The following BRINP3 variants were observed in gnomAD, a reference collection of about 807,000 sequenced individuals.
The protein encoded by BRINP3 is BMP/retinoic acid-inducible neural-specific protein 3.
Under a neutral mutation model 71.0 loss-of-function variants are expected in BRINP3, and 19 were observed. That is an observed-to-expected ratio of 0.27 (90% CI 0.19 to 0.39). The LOEUF (loss-of-function observed/expected upper bound fraction) is 0.39, where lower values mean the gene tolerates loss of function less well. BRINP3 is among the 10% of genes least tolerant of loss of function. BRINP3 has a pLI of 1.00. For missense variants in BRINP3, 959 were observed against 940.8 expected (o/e 1.02, Z -0.25); for synonymous variants, 380 against 337.7 (o/e 1.13, Z -1.37).
chr1:190,241,991 T>A (rs1659144424), intron 4 of BRINP3, among the ~76,000 whole-genome samples: 2 of 151,748 alleles, frequency 1.3e-5, no homozygotes, highest in African/African-American at 4.8e-5. Flanking sequence ...CCTCTGATAG[T>A]CATTAAGTCT....
chr1:190,165,155 C>T (rs2102474237), intron 6 of BRINP3, among the ~76,000 whole-genome samples: 1 of 151,880 alleles, frequency 6.6e-6, no homozygotes, highest in South Asian at 2.1e-4. Flanking sequence ...AAACATATGT[C>T]TGATATATAT....
intron 2 of BRINP3, among the ~76,000 whole-genome samples, chr1:190,296,251 G>A (rs1384949485): frequency 6.6e-6 from 1 of 151,704 alleles, no homozygotes; most frequent in Non-Finnish European, 1.5e-5. Flanking sequence ...AACATGGGAT[G>A]TAAGGATGAT....
intron 2 of BRINP3, among the ~76,000 whole-genome samples, chr1:190,435,652 G>A (rs962023629): frequency 1.3e-5 from 2 of 151,800 alleles, no homozygotes; most frequent in African/African-American, 2.4e-5. Context: ...AATTCTTACT[G>A]GCACCCCAGG....
At chr1:190,465,330 C>T (rs1035629027) in intron 1 of BRINP3, among the ~76,000 whole-genome samples, 2 of 151,854 alleles carry the variant, frequency 1.3e-5, no homozygotes, top group South Asian at 2.1e-4. Context: ...GTATAGGGAA[C>T]GCTTTGACAA....
chr1:190,136,708 G>A (rs1288396252), intron 7 of BRINP3, among the ~76,000 whole-genome samples: 5 of 151,830 alleles, frequency 3.3e-5, no homozygotes, highest in African/African-American at 4.8e-5. Flanking sequence ...TGTAATTTGA[G>A]GGAAGCCATT....
chr1:190,320,503 T>A (rs759287864), intron 2 of BRINP3, among the ~76,000 whole-genome samples: 266 of 152,294 alleles, frequency 1.7e-3, no homozygotes, highest in Non-Finnish European at 2.4e-3. Flanking sequence ...TTCATGAATA[T>A]TTGTTTTATA....
intron 2 of BRINP3, among the ~76,000 whole-genome samples, chr1:190,416,676 C>G (rs776289613): frequency 8.6e-5 from 13 of 152,042 alleles, no homozygotes; most frequent in Non-Finnish European, 1.6e-4. Context: ...CATAAATATA[C>G]CCTAGTCACC....
chr1:190,128,250 T>C (rs1654248328), intron 7 of BRINP3, among the ~76,000 whole-genome samples: 1 of 151,862 alleles, frequency 6.6e-6, no homozygotes, highest in Non-Finnish European at 1.5e-5. Context: ...CTATGATATA[T>C]GTGCAAGATT....
intron 3 of BRINP3, among the ~76,000 whole-genome samples, chr1:190,277,385 A>G (rs557554195): frequency 9.3e-5 from 14 of 151,222 alleles, no homozygotes; most frequent in African/African-American, 2.4e-4. Context: ...TAGCGGAGGA[A>G]CTCACAGGTT....
chr1:190,239,991 T>A (rs1427831571), intron 4 of BRINP3, among the ~76,000 whole-genome samples: 2 of 151,672 alleles, frequency 1.3e-5, no homozygotes, highest in East Asian at 3.9e-4. Flanking sequence ...ACGTCATTTT[T>A]TTTTTATTTC....
intron 3 of BRINP3, among the ~76,000 whole-genome samples, chr1:190,266,445 G>A (rs1661670835): frequency 6.6e-6 from 1 of 151,998 alleles, no homozygotes; most frequent in Admixed American, 6.6e-5. Context: ...ATGCATATTA[G>A]AAATCAGTTA....
At chr1:190,183,918 A>G (rs1211900505) in intron 6 of BRINP3, among the ~76,000 whole-genome samples, 1 of 152,114 alleles carries the variant, frequency 6.6e-6, no homozygotes, top group Non-Finnish European at 1.5e-5. Flanking sequence ...GTTTGGCAGG[A>G]GCAGGACAAT....
chr1:190,201,738 A>C (rs1056594201), intron 6 of BRINP3, among the ~76,000 whole-genome samples: 1 of 152,034 alleles, frequency 6.6e-6, no homozygotes, highest in African/African-American at 2.4e-5. Flanking sequence ...ACGTGGCTTC[A>C]AAAGGTGCAA....
rs545581418 is a variant in BRINP3, at chr1:190,458,816, A to G, written c.-50-3876T>C. Among the ~76,000 whole-genome samples the G allele has an allele frequency of 3.9e-4, 59 of 152,048 alleles. 3 individuals carry two copies. In the East Asian group the frequency reaches 0.011, roughly 27 times the overall value. The stretch of plus-strand genomic sequence containing the variant: ...TATCACTTTTTCTATAGTGTGGGGA[A>G]ATGCAAAATAGTCCAGAATTTAATA... On this transcript the variant is annotated intron_variant, in intron 1 of 7. Coordinates refer to ENST00000367462, the MANE Select transcript of BRINP3 (RefSeq NM_199051.3).
chr1:190,411,011 T>G (rs2102408138), intron 2 of BRINP3, among the ~76,000 whole-genome samples: 1 of 152,234 alleles, frequency 6.6e-6, no homozygotes. Context: ...CCAAGACGAC[T>G]CCTGATAAAG....
chr1:190,445,937 T>A (rs1350305366), intron 2 of BRINP3, among the ~76,000 whole-genome samples: 5 of 152,194 alleles, frequency 3.3e-5, no homozygotes, highest in Non-Finnish European at 5.9e-5. Flanking sequence ...ATCTTGTTTA[T>A]TTTGTCATTA....
intron 2 of BRINP3, among the ~76,000 whole-genome samples, chr1:190,402,907 G>T (rs1220464555): frequency 1.3e-5 from 2 of 151,894 alleles, no homozygotes; most frequent in Non-Finnish European, 2.9e-5. Context: ...TTGAATTTTT[G>T]GTAGACACGG....
chr1:190,420,949 T>G (rs565303028), intron 2 of BRINP3, among the ~76,000 whole-genome samples: 1 of 151,822 alleles, frequency 6.6e-6, no homozygotes, highest in Non-Finnish European at 1.5e-5. Flanking sequence ...GGGTGAAAAC[T>G]CTTGAGTCCA....
intron 2 of BRINP3, among the ~76,000 whole-genome samples, chr1:190,440,432 C>G (rs1411180010): frequency 6.6e-6 from 1 of 151,902 alleles, no homozygotes; most frequent in Non-Finnish European, 1.5e-5. Flanking sequence ...CGTTCTACGG[C>G]ATATTTAGAA....
Sources: gnomAD v4.1 joint callset for allele counts (sites outside exome capture counted in the v4.1 genomes callset) on GRCh38, gnomAD v4.1.1 for gene constraint, MANE v1.5 for transcripts, NCBI Gene and HGNC (gene_info 2026-07-23, HGNC 2026-07-21) for gene names.